KCNB2: variants seen among roughly 807,000 people sequenced by gnomAD.
KCNB2 encodes the protein delayed rectifier potassium channel protein.
In KCNB2, 15 loss-of-function variants were observed where a neutral mutation model predicts 61.5. The ratio of observed to expected loss-of-function variants is 0.24; its 90% CI spans 0.16 to 0.38. The LOEUF is 0.38. KCNB2 is among the 10% of genes least tolerant of loss of function. The probability of loss-of-function intolerance (pLI) is 1.00; values close to 1 mark genes in which losing one functional copy is unlikely to be tolerated. For missense variants in KCNB2, 828 were observed against 1,125.2 expected, an observed-to-expected ratio of 0.74 and a Z score of 3.78; for synonymous variants, 457 against 446.0, an observed-to-expected ratio of 1.02 and a Z score of -0.31.
chr8:72,884,391 G>A (rs1805769168), intron 2 of KCNB2, among the ~76,000 whole-genome samples: 2 of 152,080 alleles, frequency 1.3e-5, no homozygotes, highest in African/African-American at 4.8e-5. Context: ...GGAGTGGGTT[G>A]TGTATGCGTG....
intron 2 of KCNB2, among the ~76,000 whole-genome samples, chr8:72,821,398 A>AGACCTAAGTTCAAG (rs1204364858): frequency 6.6e-6 from 1 of 152,158 alleles, no homozygotes; most frequent in African/African-American, 2.4e-5. Context: ...TCAGGTGTAA[A>AGACCTAAGTTCAAG]GACCTAAGTT....
At chr8:72,736,127 C>T (rs913990957) in intron 2 of KCNB2, among the ~76,000 whole-genome samples, 2 of 151,846 alleles carry the variant, frequency 1.3e-5, no homozygotes, top group African/African-American at 4.8e-5. Context: ...TGATGTGAGG[C>T]TACTAATAGC....
chr8:72,870,372 A>G (rs1488342929), intron 2 of KCNB2, among the ~76,000 whole-genome samples: 10 of 152,206 alleles, frequency 6.6e-5, no homozygotes, highest in Non-Finnish European at 1.5e-4. Flanking sequence ...TTAAAAAAAC[A>G]TATTAAAATT....
chr8:72,871,216 T>C (rs192398582), intron 2 of KCNB2, among the ~76,000 whole-genome samples: 3 of 152,304 alleles, frequency 2.0e-5, no homozygotes, highest in East Asian at 3.9e-4. Flanking sequence ...GAAAGTATCA[T>C]ACAACAGGAA....
chr8:72,658,600 T>A (rs1806329340), intron 2 of KCNB2, among the ~76,000 whole-genome samples: 1 of 152,176 alleles, frequency 6.6e-6, no homozygotes, highest in Admixed American at 6.5e-5. Flanking sequence ...GGCCTTCTGT[T>A]GGAAGAAAAT....
chr8:72,702,793 A>C (rs958429547), intron 2 of KCNB2, among the ~76,000 whole-genome samples: 1 of 152,170 alleles, frequency 6.6e-6, no homozygotes, highest in African/African-American at 2.4e-5. Flanking sequence ...TGTGATGTGG[A>C]GCTGCTATTA....
intron 2 of KCNB2, among the ~76,000 whole-genome samples, chr8:72,858,738 A>G (rs1214063439): frequency 6.6e-6 from 1 of 152,232 alleles, no homozygotes; most frequent in African/African-American, 2.4e-5. Context: ...ACCTGCCATC[A>G]TTGCCAGTGG....
intron 2 of KCNB2, among the ~76,000 whole-genome samples, chr8:72,727,707 A>T (rs1294292714): frequency 6.6e-6 from 1 of 152,192 alleles, no homozygotes; most frequent in Non-Finnish European, 1.5e-5. Context: ...GAAATGGCTG[A>T]TGGCACACAA....
At chr8:72,663,397 G>T (rs562392661) in intron 2 of KCNB2, among the ~76,000 whole-genome samples, 1 of 151,896 alleles carries the variant, frequency 6.6e-6, no homozygotes, top group Non-Finnish European at 1.5e-5. Context: ...GGGTAGCAGT[G>T]TTCTTTAAAA....
chr8:72,862,079 T>C (rs1805426780), intron 2 of KCNB2, among the ~76,000 whole-genome samples: 1 of 152,100 alleles, frequency 6.6e-6, no homozygotes, highest in Non-Finnish European at 1.5e-5. Flanking sequence ...GGGTGAGACA[T>C]GAGAATTGCG....
intron 2 of KCNB2, among the ~76,000 whole-genome samples, chr8:72,818,147 C>T (rs749993013): frequency 1.3e-5 from 2 of 151,968 alleles, no homozygotes; most frequent in Non-Finnish European, 2.9e-5. Flanking sequence ...TATTTCTAGG[C>T]AAGGGAAATT....
At chr8:72,824,504 T>G (rs1809565284) in intron 2 of KCNB2, among the ~76,000 whole-genome samples, 1 of 152,124 alleles carries the variant, frequency 6.6e-6, no homozygotes, top group African/African-American at 2.4e-5. Flanking sequence ...TGAGACCCTC[T>G]TACCTCTAAA....
At chr8:72,762,420 A>G (rs1241003822) in intron 2 of KCNB2, among the ~76,000 whole-genome samples, 1 of 152,236 alleles carries the variant, frequency 6.6e-6, no homozygotes, top group Non-Finnish European at 1.5e-5. Context: ...ATGGAATTTC[A>G]CTTAGAATCC....
intron 2 of KCNB2, among the ~76,000 whole-genome samples, chr8:72,921,366 A>C (rs897820735): frequency 6.6e-6 from 1 of 152,190 alleles, no homozygotes; most frequent in East Asian, 1.9e-4. Context: ...ATGTGAAAAA[A>C]TGCTGTTCTG....
intron 2 of KCNB2, among the ~76,000 whole-genome samples, chr8:72,761,270 A>G (rs1808374755): frequency 6.6e-6 from 1 of 152,114 alleles, no homozygotes; most frequent in Admixed American, 6.6e-5. Context: ...GTGGACTTTG[A>G]AATACTCTGC....
chr8:72,797,439 G>A (rs1809049538), intron 2 of KCNB2, among the ~76,000 whole-genome samples: 1 of 152,070 alleles, frequency 6.6e-6, no homozygotes. Context: ...AATTAACAGC[G>A]GAACACCTCC....
intron 2 of KCNB2, among the ~76,000 whole-genome samples, chr8:72,777,941 A>G (rs149770136): frequency 6.6e-6 from 1 of 152,272 alleles, no homozygotes; most frequent in Non-Finnish European, 1.5e-5. Flanking sequence ...GTTTTCTCCT[A>G]TACTATCTGT....
intron 2 of KCNB2, among the ~76,000 whole-genome samples, chr8:72,641,112 G>T (rs1806048539): frequency 6.6e-6 from 1 of 152,086 alleles, no homozygotes; most frequent in African/African-American, 2.4e-5. Flanking sequence ...TTATGGCATT[G>T]ATGAAACCAC....
intron 2 of KCNB2, among the ~76,000 whole-genome samples, chr8:72,676,514 G>T (rs1806656003): frequency 6.7e-6 from 1 of 149,940 alleles, no homozygotes; most frequent in Admixed American, 6.8e-5. Context: ...ATTCTAGGTG[G>T]TATTAAGAAC....
Sources: gnomAD v4.1 joint callset for allele counts (sites outside exome capture counted in the v4.1 genomes callset) on GRCh38, gnomAD v4.1.1 for gene constraint, MANE v1.5 for transcripts, NCBI Gene and HGNC (gene_info 2026-07-23, HGNC 2026-07-21) for gene names.